DCTD: variants seen among roughly 807,000 people sequenced by gnomAD.
The protein encoded by DCTD is deoxycytidylate deaminase.
A neutral mutation model predicts 21.0 loss-of-function variants in DCTD; 23 were observed. The ratio of observed to expected loss-of-function variants is 1.09; its 90% CI spans 0.79 to 1.55. The LOEUF (loss-of-function observed/expected upper bound fraction) is 1.55, where lower values mean the gene tolerates loss of function less well. Ranked by LOEUF, DCTD falls within the 40% of genes most tolerant of loss-of-function variation. DCTD has a pLI of 0.00. For synonymous variants in DCTD, 71 were observed against 81.1 expected (o/e 0.88, Z 0.67); for missense variants, 224 against 230.0 (o/e 0.97, Z 0.17).
intron 3 of DCTD, among the ~76,000 whole-genome samples, chr4:182,899,616 G>A (rs1735366719): frequency 6.6e-6 from 1 of 152,042 alleles, no homozygotes; most frequent in Admixed American, 6.6e-5. Context: ...GGCCAGGCTG[G>A]TCTGGAACTC....
intron 3 of DCTD, among the ~76,000 whole-genome samples, chr4:182,905,197 CGCTGAAACTGTACTTG>C (rs1341928658): frequency 1.6e-4 from 25 of 152,124 alleles, no homozygotes; most frequent in Admixed American, 1.2e-3. Flanking sequence ...CCTATTGCTC[CGCTGAAACTGTACTTG>C]GCTGAAACTG....
At chr4:182,897,828 C>T (rs1735020885) in intron 3 of DCTD, among the ~76,000 whole-genome samples, 1 of 152,190 alleles carries the variant, frequency 6.6e-6, no homozygotes, top group Non-Finnish European at 1.5e-5. Context: ...CCAGCCCTGC[C>T]CCCTTCGTAA....
chr4:182,917,424 C>T (rs1738944951), upstream of DCTD: 3 of 996,720 alleles, frequency 3.0e-6, no homozygotes, highest in East Asian at 1.6e-4. This position sits in a 1 kb window ranked among gnomAD's most constrained non-coding sequence, Gnocchi z 4.9. Context: ...GGGGCAGCGG[C>T]CCGGGCGCCG....
chr4:182,914,524 C>A (rs1439006776), intron 3 of DCTD, among the ~76,000 whole-genome samples: 3 of 152,232 alleles, frequency 2.0e-5, no homozygotes, highest in African/African-American at 7.2e-5. Flanking sequence ...CCCTGGTTAG[C>A]CGACCCTGCT....
intron 3 of DCTD, among the ~76,000 whole-genome samples, chr4:182,911,059 C>T (rs1345063832): frequency 4.6e-5 from 7 of 152,204 alleles, no homozygotes; most frequent in African/African-American, 7.2e-5. Flanking sequence ...GTCCCATAGA[C>T]TGGGTGGCTG....
intron 5 of DCTD, 128 bp downstream of exon 5, chr4:182,892,903 G>A: frequency 1.5e-6 from 1 of 645,274 alleles, no homozygotes; most frequent in Non-Finnish European, 2.8e-6. Flanking sequence ...AAATTCTTAT[G>A]CCCTTGCATT....
At chr4:182,905,285 G>C (rs1736470355) in intron 3 of DCTD, among the ~76,000 whole-genome samples, 1 of 151,154 alleles carries the variant, frequency 6.6e-6, no homozygotes, top group African/African-American at 2.4e-5. Flanking sequence ...TTTAATCTTA[G>C]GCCTCTTGGC....
intron 3 of DCTD, among the ~76,000 whole-genome samples, chr4:182,900,044 G>A (rs552776906): frequency 6.6e-5 from 10 of 152,346 alleles, no homozygotes; most frequent in Admixed American, 2.6e-4. Context: ...GCCAGGTGCA[G>A]TAGTTCATGC....
Position 182,902,660 on chromosome 4 carries a change from G to A in DCTD, c.245-8055C>T, listed in dbSNP as rs914075080. ...AATAAAACAGTTTAAAACTTTCGCA[G>A]TTTCCCAGGTATGTTCTGGTAAGTT... On this transcript the variant is annotated intron_variant, in intron 3 of 5. Coordinates refer to ENST00000438320, the MANE Select transcript of DCTD (RefSeq NM_001921.3). Among the ~76,000 whole-genome samples, 13 of 152,356 alleles carry A rather than the reference G, an allele frequency of 8.5e-5. No individual in the cohort carries two copies. In the East Asian group the frequency reaches 2.1e-3, roughly 25 times the overall value.
intron 5 of DCTD, among the ~76,000 whole-genome samples, chr4:182,892,012 C>T (rs1046936570): frequency 1.1e-4 from 15 of 139,698 alleles, no homozygotes; most frequent in African/African-American, 3.9e-4. Flanking sequence ...ATTTCTTCTA[C>T]AACAATTAAA....
At chr4:182,915,081 G>A in intron 2 of DCTD, 23 bp from the exon 3 acceptor site, 2 of 1,614,168 alleles carry the variant, frequency 1.2e-6, no homozygotes, top group African/African-American at 1.3e-5. Context: ...ATGCCCAAAG[G>A]CTTGGTGCCT....
chr4:182,898,744 C>A (rs2152856808), intron 3 of DCTD, among the ~76,000 whole-genome samples: 1 of 152,214 alleles, frequency 6.6e-6, no homozygotes, highest in East Asian at 1.9e-4. Context: ...TTTTTTTCCT[C>A]CTTTCAAGAT....
chr4:182,915,672 A>C, intron 1 of DCTD, 97 bp from the exon 2 acceptor site: 1 of 889,254 alleles, frequency 1.1e-6, no homozygotes, highest in Middle Eastern at 2.8e-4. Context: ...TAAATCTCTA[A>C]ACATGGGCAA....
At chr4:182,908,127 G>T (rs918881532) in intron 3 of DCTD, among the ~76,000 whole-genome samples, 1 of 151,988 alleles carries the variant, frequency 6.6e-6, no homozygotes, top group Non-Finnish European at 1.5e-5. Flanking sequence ...GTGTATTTCT[G>T]GGAGCAAACA....
At chr4:182,898,749 C>A (rs1488983564) in intron 3 of DCTD, among the ~76,000 whole-genome samples, 1 of 152,120 alleles carries the variant, frequency 6.6e-6, no homozygotes, top group Non-Finnish European at 1.5e-5. Context: ...TTCCTCCTTT[C>A]AAGATGAAAT....
chr4:182,894,832 G>A (rs542310384), intron 3 of DCTD, among the ~76,000 whole-genome samples: 91 of 152,252 alleles, frequency 6.0e-4, no homozygotes, highest in Non-Finnish European at 1.1e-3. Flanking sequence ...CAGGACGGCC[G>A]AGGTCAAGTG....
chr4:182,916,834 A>G (rs1048603887), intron 1 of DCTD: 21 of 1,081,668 alleles, frequency 1.9e-5, no homozygotes, highest in Non-Finnish European at 2.3e-5. Flanking sequence ...CGCCCACTAG[A>G]GCCCTGTGAG....
At chr4:182,912,411 C>T (rs1415372732) in intron 3 of DCTD, among the ~76,000 whole-genome samples, 1 of 152,038 alleles carries the variant, frequency 6.6e-6, no homozygotes, top group East Asian at 1.9e-4. Context: ...AGCTTACTCT[C>T]GTGAAAGAAA....
intron 3 of DCTD, among the ~76,000 whole-genome samples, chr4:182,894,933 G>C (rs1391602522): frequency 1.3e-5 from 2 of 152,240 alleles, no homozygotes; most frequent in Admixed American, 1.3e-4. Flanking sequence ...TTGGTGTGCT[G>C]ACACGCACAC....
Sources: gnomAD v4.1 joint callset for allele counts (sites outside exome capture counted in the v4.1 genomes callset) on GRCh38, gnomAD v4.1.1 for gene constraint, Gnocchi (gnomAD v3.1) non-coding constraint, MANE v1.5 for transcripts, NCBI Gene and HGNC (gene_info 2026-07-23, HGNC 2026-07-21) for gene names.